Variants in MMP26 observed in about 807,000 individuals in gnomAD.
MMP26 encodes the protein matrix metalloproteinase-26.
In MMP26, 33 loss-of-function variants were observed where a neutral mutation model predicts 31.0. That is an observed-to-expected ratio of 1.06 (90% CI 0.81 to 1.42). The LOEUF is 1.42. Among genes scored for constraint, MMP26 ranks in the 40% most tolerant of loss-of-function variants. The pLI is 0.00. For missense variants in MMP26, 347 were observed against 316.1 expected (o/e 1.10, Z -0.74); for synonymous variants, 122 against 114.9 (o/e 1.06, Z -0.40).
intron 2 of MMP26, among the ~76,000 whole-genome samples, chr11:4,904,680 C>T (rs1321581844): frequency 2.0e-5 from 3 of 152,036 alleles, no homozygotes; most frequent in Non-Finnish European, 4.4e-5. Context: ...CAAATGCATG[C>T]TCTGTGTAAG....
chr11:4,991,538 A>G (rs2133654344), intron 6 of MMP26, 42 bp downstream of exon 6: 1 of 1,604,058 alleles, frequency 6.2e-7, no homozygotes, highest in East Asian at 2.2e-5. Context: ...CTCTCTGGGA[A>G]CCTGGGGTTC....
chr11:4,769,500 T>C, intron 2 of MMP26: 1 of 1,613,842 alleles, frequency 6.2e-7, no homozygotes, highest in East Asian at 2.2e-5. Flanking sequence ...ATTCTGGAAT[T>C]AGTGAGAATG....
intron 2 of MMP26, chr11:4,937,444 A>C (rs957028036): frequency 6.6e-6 from 1 of 152,540 alleles, no homozygotes; most frequent in African/African-American, 2.4e-5. Flanking sequence ...CAGGGGTGGC[A>C]CCAGCAGAAA....
At chr11:4,735,098 C>G (rs1280112559) in intron 1 of MMP26, among the ~76,000 whole-genome samples, 1 of 152,162 alleles carries the variant, frequency 6.6e-6, no homozygotes, top group South Asian at 2.1e-4. Flanking sequence ...GGAGAAAGCC[C>G]TGTGTTCTTG....
intron 2 of MMP26, among the ~76,000 whole-genome samples, chr11:4,777,321 G>A (rs1016228594): frequency 6.6e-6 from 1 of 152,118 alleles, no homozygotes; most frequent in African/African-American, 2.4e-5. Context: ...TATAGATAAT[G>A]AGTATCAGAG....
At chr11:4,966,489 A>T (rs1322004159) in intron 2 of MMP26, among the ~76,000 whole-genome samples, 1 of 152,134 alleles carries the variant, frequency 6.6e-6, no homozygotes, top group Non-Finnish European at 1.5e-5. Context: ...GGTTAAACTG[A>T]TTTAGCAAGA....
At position 4,719,640 on chromosome 11, in the gene MMP26, G is replaced by C. The variant is rs1847984795; in HGVS notation, c.-217+14595G>C. The C allele has an allele frequency of 3.9e-5, 6 of 152,202 alleles. No homozygotes were observed. In the South Asian group the frequency reaches 1.2e-3, roughly 31 times the overall value. 9.4% of individuals were successfully genotyped at this position (152,202 alleles called of 1,614,324 possible). ...CCATTCAGAGAGGTTAATATGTTTA[G>C]ACTCAGGCTTGTATTTAAAGTTTCC... On this transcript the variant is annotated intron_variant, in intron 1 of 7. Coordinates refer to ENST00000380390, the MANE Select transcript of MMP26 (RefSeq NM_021801.5).
intron 2 of MMP26, among the ~76,000 whole-genome samples, chr11:4,786,066 C>T (rs1295840792): frequency 1.3e-5 from 2 of 152,112 alleles, no homozygotes; most frequent in Non-Finnish European, 2.9e-5. Context: ...GAACAAGTCT[C>T]TATGGGGTTC....
chr11:4,964,256 A>G (rs1846559970), intron 2 of MMP26, among the ~76,000 whole-genome samples: 1 of 152,098 alleles, frequency 6.6e-6, no homozygotes, highest in Non-Finnish European at 1.5e-5. Flanking sequence ...TTTACAGGTA[A>G]GTCTTTAATC....
At chr11:4,910,791 T>A (rs769444524) in intron 2 of MMP26, among the ~76,000 whole-genome samples, 1 of 152,020 alleles carries the variant, frequency 6.6e-6, no homozygotes, top group Non-Finnish European at 1.5e-5. Flanking sequence ...CCAATAAATA[T>A]CTATTGGTCA....
chr11:4,968,875 A>G (rs1474955557), intron 2 of MMP26, among the ~76,000 whole-genome samples: 1 of 152,012 alleles, frequency 6.6e-6, no homozygotes. Context: ...CTCATTCAGG[A>G]ATACCCAGTC....
chr11:4,882,404 T>C, intron 2 of MMP26: 1 of 1,613,976 alleles, frequency 6.2e-7, no homozygotes, highest in Non-Finnish European at 8.5e-7. Context: ...AAACACTGTG[T>C]CTTTTCATGG....
At chr11:4,752,277 C>T (rs1351490144) in intron 1 of MMP26, 3 of 152,250 alleles carry the variant, frequency 2.0e-5, no homozygotes, top group Non-Finnish European at 2.9e-5. Context: ...GGCCTTCTTC[C>T]TCTCCTCTGG....
intron 2 of MMP26, among the ~76,000 whole-genome samples, chr11:4,790,016 C>G (rs996473189): frequency 6.6e-6 from 1 of 152,084 alleles, no homozygotes; most frequent in African/African-American, 2.4e-5. Flanking sequence ...TGGATGCACA[C>G]ATATTGAAAA....
chr11:4,928,928 C>A (rs1851309113), intron 2 of MMP26, among the ~76,000 whole-genome samples: 1 of 152,048 alleles, frequency 6.6e-6, no homozygotes, highest in East Asian at 1.9e-4. Context: ...TAATGGAACA[C>A]AAGGATGCAG....
At chr11:4,938,766 A>G (rs552169329) in intron 2 of MMP26, among the ~76,000 whole-genome samples, 3 of 152,280 alleles carry the variant, frequency 2.0e-5, no homozygotes, top group African/African-American at 7.2e-5. Context: ...CTATATTCAT[A>G]CCAGCATATA....
intron 2 of MMP26, chr11:4,944,543 T>A (rs1846265492): frequency 6.6e-6 from 1 of 152,370 alleles, no homozygotes; most frequent in Non-Finnish European, 1.5e-5. Context: ...CTGATTATTA[T>A]TTTTTAAGCA....
chr11:4,798,125 G>T (rs191385496), intron 2 of MMP26, among the ~76,000 whole-genome samples: 4 of 152,142 alleles, frequency 2.6e-5, no homozygotes. Flanking sequence ...CTTTTACGAC[G>T]GCCCATACTT....
Position 4,950,818 on chromosome 11 carries a change from T to C in MMP26, c.-144-37250T>C, listed in dbSNP as rs1056637949. ...GCATTTGGAAAAATGCAAATTAATA[T>C]CACAATGAGGTATTATATCATACCC... On this transcript the variant is annotated intron_variant, in intron 2 of 7. Coordinates refer to ENST00000380390, the MANE Select transcript of MMP26 (RefSeq NM_021801.5). Among the ~76,000 whole-genome samples the C allele has an allele frequency of 3.3e-4, 41 of 123,668 alleles. 8 individuals carry two copies. The highest frequency in any genetic ancestry group is 1.1e-3 in the African/African-American group (41 of 36,674). The allele number at this position is 123,668 out of a possible 152,430, so 81.1% of individuals were successfully genotyped here.
Sources: gnomAD v4.1 joint callset for allele counts (sites outside exome capture counted in the v4.1 genomes callset) on GRCh38, gnomAD v4.1.1 for gene constraint, MANE v1.5 for transcripts, NCBI Gene and HGNC (gene_info 2026-07-23, HGNC 2026-07-21) for gene names.